KAZN: variants seen among roughly 807,000 people sequenced by gnomAD.
The protein encoded by KAZN is kazrin, periplakin interacting protein.
Under a neutral mutation model 87.4 loss-of-function variants are expected in KAZN, and 40 were observed. That is an observed-to-expected ratio of 0.46 (90% CI 0.36 to 0.60). KAZN has a LOEUF of 0.60. Among genes scored for constraint, KAZN ranks in the 20% least tolerant of loss-of-function variants. The pLI is 0.00. For synonymous variants in KAZN, 466 were observed against 458.3 expected, an observed-to-expected ratio of 1.02 and a Z score of -0.22; for missense variants, 898 against 1,073.9, an observed-to-expected ratio of 0.84 and a Z score of 2.29.
At chr1:14,755,110 A>G (rs1037470867) in intron 1 of KAZN, among the ~76,000 whole-genome samples, 1 of 145,488 alleles carries the variant, frequency 6.9e-6, no homozygotes, top group African/African-American at 2.6e-5. Context: ...AAAAATAGCC[A>G]GGTGTGGTGG....
chr1:14,104,898 A>AT (rs563409862), intron 1 of KAZN, among the ~76,000 whole-genome samples: 22 of 151,956 alleles, frequency 1.4e-4, no homozygotes, highest in African/African-American at 4.6e-4. Flanking sequence ...TTTATTTTGC[A>AT]TTTTTTTCCC....
At chr1:14,504,360 T>G (rs1670436875) in intron 2 of KAZN, among the ~76,000 whole-genome samples, 3 of 152,134 alleles carry the variant, frequency 2.0e-5, no homozygotes, top group Admixed American at 1.3e-4. Context: ...TACAGGATGT[T>G]AGAAAAGATA....
At chr1:14,744,213 G>A (rs962292174) in intron 1 of KAZN, among the ~76,000 whole-genome samples, 4 of 152,166 alleles carry the variant, frequency 2.6e-5, no homozygotes, top group African/African-American at 7.2e-5. Flanking sequence ...AATGGCTACA[G>A]AGATGCTTTA....
rs565080963 is a variant in KAZN, at chr1:15,094,038, G to T, written c.1223-142G>T. 3.0e-6 allele frequency: 2 copies of T among 671,368 alleles called. No homozygotes were observed. The highest frequency in any genetic ancestry group is 2.8e-5 in the East Asian group (1 of 36,310). The allele number at this position is 671,368 out of a possible 1,614,324, so 41.6% of individuals were successfully genotyped here. The stretch of plus-strand genomic sequence containing the variant: ...GGGGCAAGGGCAGAAAAACAAAAAC[G>T]CCAAAAGCCACTTTGATTTTGAAGA... On this transcript the variant is annotated intron_variant, in intron 8 of 14. Coordinates refer to ENST00000376030, the MANE Select transcript of KAZN (RefSeq NM_201628.3). This position sits in a 1 kb window ranked among gnomAD's most constrained non-coding sequence, Gnocchi z 4.5.
At chr1:14,894,370 C>T (rs1001149104) in intron 1 of KAZN, among the ~76,000 whole-genome samples, 1 of 152,208 alleles carries the variant, frequency 6.6e-6, no homozygotes, top group African/African-American at 2.4e-5. Context: ...TGTGCAATCC[C>T]AGAAAAATTT....
At chr1:14,951,254 C>G (rs1474351000) in intron 1 of KAZN, among the ~76,000 whole-genome samples, 2 of 138,648 alleles carry the variant, frequency 1.4e-5, no homozygotes, top group African/African-American at 6.7e-5. Flanking sequence ...CTCCCATCCC[C>G]TCTGCCCTGG....
intron 1 of KAZN, among the ~76,000 whole-genome samples, chr1:14,074,380 A>G (rs1211456413): frequency 1.3e-5 from 2 of 152,120 alleles, no homozygotes; most frequent in Non-Finnish European, 2.9e-5. Context: ...CTCCATGCCC[A>G]AGATCTGTCT....
At chr1:14,362,683 C>T (rs960916968) in intron 2 of KAZN, among the ~76,000 whole-genome samples, 7 of 152,180 alleles carry the variant, frequency 4.6e-5, no homozygotes, top group African/African-American at 7.2e-5. Context: ...CCCATCAACA[C>T]TTTAAGATCA....
At chr1:14,394,223 C>T (rs1662701768) in intron 2 of KAZN, among the ~76,000 whole-genome samples, 1 of 152,216 alleles carries the variant, frequency 6.6e-6, no homozygotes, top group Non-Finnish European at 1.5e-5. Flanking sequence ...TGCAAAAGCT[C>T]CTAGGGCCAT....
chr1:14,071,987 G>C (rs1331792923), intron 1 of KAZN, among the ~76,000 whole-genome samples: 1 of 152,118 alleles, frequency 6.6e-6, no homozygotes, highest in Non-Finnish European at 1.5e-5. Flanking sequence ...TCTTTGTTTA[G>C]GGTAAGTATC....
rs1638488595 is a variant in KAZN, at chr1:13,978,500, A to AT, written c.91+84745dup. Among the ~76,000 whole-genome samples the AT allele has an allele frequency of 3.3e-5, 5 of 150,438 alleles. 1 individual carries two copies. The South Asian group carries it at 1.0e-3, about 31-fold the overall frequency. On this transcript the variant is annotated intron_variant, in intron 1 of 16. Coordinates refer to the KAZN transcript ENST00000636203. ...GGTAGATGGATATAGAGATAAATAT[A>AT]TATATATATATAAACTATATGAAAA...
At chr1:14,445,361 CA>C (rs1051466185) in intron 2 of KAZN, among the ~76,000 whole-genome samples, 2 of 152,154 alleles carry the variant, frequency 1.3e-5, no homozygotes, top group Admixed American at 6.5e-5. Flanking sequence ...AATGTGGAAA[CA>C]GACACATATG....
intron 1 of KAZN, among the ~76,000 whole-genome samples, chr1:14,038,468 A>G (rs2359910): frequency 0.74 from 112,334 of 152,082 alleles, 41,556 homozygotes; most frequent in Admixed American, 0.83. Context: ...AGGTGACCTC[A>G]GAAGAATAAG....
intron 2 of KAZN, among the ~76,000 whole-genome samples, chr1:14,454,700 A>ACTG (rs1667471102): frequency 6.6e-6 from 1 of 152,216 alleles, no homozygotes; most frequent in Non-Finnish European, 1.5e-5. Flanking sequence ...AGTGGTACTC[A>ACTG]TGAATGTTCA....
At chr1:14,806,938 A>T (rs1646242802) in intron 1 of KAZN, among the ~76,000 whole-genome samples, 1 of 152,186 alleles carries the variant, frequency 6.6e-6, no homozygotes, top group African/African-American at 2.4e-5. Flanking sequence ...AGAGACCAGA[A>T]AGCTGGAGCT....
intron 8 of KAZN, among the ~76,000 whole-genome samples, chr1:15,092,917 A>T (rs1365211888): frequency 7.2e-6 from 1 of 139,200 alleles, no homozygotes; most frequent in East Asian, 2.9e-4. Context: ...ATGTTGGTGG[A>T]TGAACTTTTT....
intron 1 of KAZN, among the ~76,000 whole-genome samples, chr1:14,886,169 C>T (rs914333063): frequency 1.3e-5 from 2 of 152,140 alleles, no homozygotes; most frequent in Admixed American, 1.3e-4. Flanking sequence ...TGCCTGTAAT[C>T]CCAGCGCTTT....
At chr1:14,821,550 G>A (rs1050220918) in intron 1 of KAZN, among the ~76,000 whole-genome samples, 1 of 151,594 alleles carries the variant, frequency 6.6e-6, no homozygotes, top group Non-Finnish European at 1.5e-5. Flanking sequence ...AGTAAAATGA[G>A]GTAACTAGGG....
intron 2 of KAZN, among the ~76,000 whole-genome samples, chr1:14,467,806 A>G (rs1275339766): frequency 6.6e-6 from 1 of 151,888 alleles, no homozygotes; most frequent in African/African-American, 2.4e-5. Flanking sequence ...CAGGTGTTTC[A>G]GCCTCTCATG....
Sources: gnomAD v4.1 joint callset for allele counts (sites outside exome capture counted in the v4.1 genomes callset) on GRCh38, gnomAD v4.1.1 for gene constraint, Gnocchi (gnomAD v3.1) non-coding constraint, MANE v1.5 for transcripts, NCBI Gene and HGNC (gene_info 2026-07-23, HGNC 2026-07-21) for gene names.